Variants in KIF1A observed in about 807,000 individuals in gnomAD.
The protein encoded by KIF1A is kinesin family member 1A.
In KIF1A, 46 loss-of-function variants were observed where a neutral mutation model predicts 227.3. The observed-to-expected ratio is 0.20, with a 90% CI of 0.16 to 0.26. The LOEUF (loss-of-function observed/expected upper bound fraction) is 0.26, where lower values mean the gene tolerates loss of function less well. Among genes scored for constraint, KIF1A ranks in the 10% least tolerant of loss-of-function variants. The pLI is 1.00. For missense variants in KIF1A, 1,683 were observed against 2,485.9 expected (o/e 0.68, Z 6.87); for synonymous variants, 1,022 against 1,012.8 (o/e 1.01, Z -0.17).
intron 1 of KIF1A, among the ~76,000 whole-genome samples, chr2:240,806,140 G>A (rs1466196819): frequency 6.6e-6 from 1 of 152,240 alleles, no homozygotes; most frequent in Non-Finnish European, 1.5e-5. Flanking sequence ...AAATCTGCCT[G>A]GAGGCAGGCA....
At chr2:240,800,719 G>A (rs189432842) in intron 1 of KIF1A, among the ~76,000 whole-genome samples, 3 of 152,166 alleles carry the variant, frequency 2.0e-5, no homozygotes, top group African/African-American at 7.2e-5. Flanking sequence ...TGAGAGGTGA[G>A]ATTTTAAAAA....
upstream of KIF1A, among the ~76,000 whole-genome samples, chr2:240,821,158 T>C (rs1176250148): frequency 2.0e-5 from 3 of 152,182 alleles, no homozygotes; most frequent in Non-Finnish European, 4.4e-5. Context: ...GTGCACGGAT[T>C]TCGGGCCACC....
intron 45 of KIF1A, 175 bp downstream of exon 45, chr2:240,720,739 C>T (rs1024313881): frequency 1.5e-4 from 97 of 660,622 alleles, no homozygotes; most frequent in Middle Eastern, 1.3e-3. Context: ...GCACAGGCAC[C>T]CTCTGAGAGG....
At position 240,745,888 on chromosome 2, in the gene KIF1A, A is replaced by G. The variant is rs1201117567; in HGVS notation, c.3224T>C (p.Leu1075Pro). Reference protein sequence around the residue: ...TCSAVPPEGLLLDSSEKAALD... With the variant: ...TCSAVPPEGLPLDSSEKAALD... ...GGCGGCTTTCTCAGAGCTGTCTAGG[A>G]GGAGGCCTTCTGGGGGCACTGCTGC... The change falls in exon 31 of 49, where the codon CTC becomes CCC. Residue 1075 changes from leucine (L) to proline (P), a missense_variant. Leu to Pro is a moderately conservative substitution (Grantham distance 98). Coordinates refer to ENST00000498729, the MANE Select transcript of KIF1A (RefSeq NM_001244008.2). 6.2e-7 allele frequency: 1 copy of G among 1,607,062 alleles called. No homozygotes were observed. Among genetic ancestry groups the G allele is most frequent in the East Asian group, 2.2e-5 (1 of 44,730 alleles).
Position 240,715,430 on chromosome 2 carries a change from C to G in KIF1A, c.*1934G>C, listed in dbSNP as rs1383847665. 6.6e-6 allele frequency: 1 copy of G among 152,354 alleles called. No homozygotes were observed. Among genetic ancestry groups the G allele is most frequent in the East Asian group, 1.9e-4 (1 of 5,270 alleles). 9.4% of individuals were successfully genotyped at this position (152,354 alleles called of 1,614,324 possible). On this transcript the variant is annotated 3_prime_UTR_variant, in exon 49 of 49. Transcript: ENST00000498729. ...CCCCCATCAGCCCCTGGGAGAGCCT[C>G]CCAGGCAGGGGATGAGGGTGGCGGT...
At chr2:240,800,696 A>G (rs2056891903) in intron 1 of KIF1A, among the ~76,000 whole-genome samples, 1 of 152,226 alleles carries the variant, frequency 6.6e-6, no homozygotes, top group South Asian at 2.1e-4. Context: ...ACATTTGCCA[A>G]ATTCTGAGGA....
At chr2:240,813,967 C>T (rs971983978) in intron 1 of KIF1A, among the ~76,000 whole-genome samples, 19 of 152,070 alleles carry the variant, frequency 1.2e-4, no homozygotes, top group African/African-American at 4.6e-4. Flanking sequence ...TGAGACAGAA[C>T]ATTTAGAAAC....
Position 240,757,226 on chromosome 2 carries a change from G to C in KIF1A, c.2858+93C>G, listed in dbSNP as rs2049953039. ...GCCTCGCCTGCCCTGGGAGGGCCCG[G>C]GCCAGGCCCCAGCGGTTCCTCTGTG... On this transcript the variant is annotated intron_variant, in intron 27 of 48. Transcript: ENST00000498729. This position sits in a 1 kb window ranked among gnomAD's most constrained non-coding sequence, Gnocchi z 6.2. 3 of 1,325,476 alleles carry C rather than the reference G, an allele frequency of 2.3e-6. No homozygotes were observed. Among genetic ancestry groups the C allele is most frequent in the Middle Eastern group, 1.8e-4 (1 of 5,456 alleles). 82.1% of individuals were successfully genotyped at this position (1,325,476 alleles called of 1,614,324 possible).
chr2:240,788,288 C>T lies in KIF1A; in HGVS notation c.184-58G>A, dbSNP rs1183614059. The T allele has an allele frequency of 6.5e-7, 1 of 1,545,268 alleles. No individual in the cohort carries two copies. The highest frequency in any genetic ancestry group is 1.4e-5 in the African/African-American group (1 of 73,388). On this transcript the variant is annotated intron_variant, in intron 3 of 48. Transcript: ENST00000498729. The surrounding 1 kb of genome is among the most constrained non-coding windows in gnomAD (Gnocchi z 6.6). ...GGCTGGGTGCATCCGAGGCTCAGCC[C>T]ATCATGTCTGCGGAGCCAGGGGATG...
chr2:240,723,660 G>A (rs188632591), intron 41 of KIF1A, 102 bp from the exon 42 acceptor site: 3 of 1,327,808 alleles, frequency 2.3e-6, no homozygotes, highest in Non-Finnish European at 3.1e-6. Flanking sequence ...CCCCTCTGGA[G>A]TGGAGATGGG....
intron 1 of KIF1A, among the ~76,000 whole-genome samples, chr2:240,810,141 A>G (rs1164953422): frequency 6.6e-6 from 1 of 152,196 alleles, no homozygotes; most frequent in Admixed American, 6.5e-5. Context: ...CACCGAAAAC[A>G]CCAAAATGAA....
At chr2:240,818,903 C>T (rs2058512934) in intron 1 of KIF1A, 1 of 152,368 alleles carries the variant, frequency 6.6e-6, no homozygotes, top group Non-Finnish European at 1.5e-5. Flanking sequence ...GCAATGCAGG[C>T]ACCCCTTGGA....
At position 240,788,034 on chromosome 2, in the gene KIF1A, C is replaced by CCCCCCCCCCCTGGG; in HGVS notation, c.363+16_363+17insCCCAGGGGGGGGGG. On this transcript the variant is annotated intron_variant, in intron 4 of 48. Transcript: ENST00000498729. This position sits in a 1 kb window ranked among gnomAD's most constrained non-coding sequence, Gnocchi z 6.6. ...CCCATCTGCCAGGGCTGCCCCCGCC[C>CCCCCCCCCCCTGGG]GCCCCCCGCTTCGTGCCTGTGGGAT... 1.4e-6 allele frequency: 2 copies of CCCCCCCCCCCTGGG among 1,449,060 alleles called. No homozygotes were observed. Among genetic ancestry groups the CCCCCCCCCCCTGGG allele is most frequent in the Non-Finnish European group, 1.9e-6 (2 of 1,059,098 alleles). The allele number at this position is 1,449,060 out of a possible 1,614,324, so 89.8% of individuals were successfully genotyped here. A position where few individuals can be genotyped will look rare whatever the true frequency, so the allele number is the denominator to read the frequency against.
rs941966220 is a variant in KIF1A at position 240,789,096 on chromosome 2, G to A, written c.183+140C>T. ...CTGCCTTCGCTGAGGACCGCTCAGGGTGACCTTCCAGGGGAGCAGGGTGGG... is the reference window on the plus strand; with the variant it reads ...CTGCCTTCGCTGAGGACCGCTCAGGATGACCTTCCAGGGGAGCAGGGTGGG... On this transcript the variant is annotated intron_variant, in intron 3 of 48. Coordinates refer to ENST00000498729, the MANE Select transcript of KIF1A (RefSeq NM_001244008.2). This position sits in a 1 kb window ranked among gnomAD's most constrained non-coding sequence, Gnocchi z 4.8. The A allele has an allele frequency of 1.0e-5, 7 of 679,044 alleles. No individual in the cohort carries two copies. In the African/African-American group the frequency reaches 1.2e-4, roughly 12 times the overall value. 42.1% of individuals were successfully genotyped at this position (679,044 alleles called of 1,614,324 possible).
Position 240,725,234 on chromosome 2 carries a change from G to A in KIF1A, c.4256+37C>T. The A allele has an allele frequency of 1.9e-6, 3 of 1,570,596 alleles. No individual in the cohort carries two copies. The highest frequency in any genetic ancestry group is 2.6e-6 in the Non-Finnish European group (3 of 1,158,486). On this transcript the variant is annotated intron_variant, in intron 40 of 48. Transcript: ENST00000498729. This position sits in a 1 kb window ranked among gnomAD's most constrained non-coding sequence, Gnocchi z 5.8. ...CTGCCTGGCCCGCACCGAGACCAGGGTGGGAGTCCATGTGGTCCTCACCCC... is the reference window on the plus strand; with the variant it reads ...CTGCCTGGCCCGCACCGAGACCAGGATGGGAGTCCATGTGGTCCTCACCCC...
rs1451761818 is a variant in KIF1A at position 240,736,664 on chromosome 2, G to T, written c.4007+399C>A. On this transcript the variant is annotated intron_variant, in intron 38 of 48. Coordinates refer to ENST00000498729, the MANE Select transcript of KIF1A (RefSeq NM_001244008.2). This position sits in a 1 kb window ranked among gnomAD's most constrained non-coding sequence, Gnocchi z 4.7. ...GTGCCTATGGGCGCCCACCCCAGCT[G>T]CTCCACCTCTAGCCCCAGGATGCCT... 6.6e-6 allele frequency among the ~76,000 whole-genome samples: 1 copy of T among 152,220 alleles called. No homozygotes were observed. Among genetic ancestry groups the T allele is most frequent in the Non-Finnish European group, 1.5e-5 (1 of 68,038 alleles).
chr2:240,814,279 A>G (rs1462040871), intron 1 of KIF1A, among the ~76,000 whole-genome samples: 2 of 152,136 alleles, frequency 1.3e-5, no homozygotes, highest in Admixed American at 1.3e-4. Context: ...ACAGGATCCT[A>G]AAAGCTTCCA....
rs2055258709 is a variant in KIF1A, at chr2:240,788,725, G to A, written c.184-495C>T. Among the ~76,000 whole-genome samples the A allele has an allele frequency of 6.6e-6, 1 of 152,058 alleles. No individual in the cohort carries two copies. Among genetic ancestry groups the A allele is most frequent in the South Asian group, 2.1e-4 (1 of 4,822 alleles). ...GACTGGATGGGGAAGGCAGAAGCGG[G>A]GAGCCCTGGGGCTGTTATGGGGGGC... On this transcript the variant is annotated intron_variant, in intron 3 of 48. Coordinates refer to ENST00000498729, the MANE Select transcript of KIF1A (RefSeq NM_001244008.2). This position sits in a 1 kb window ranked among gnomAD's most constrained non-coding sequence, Gnocchi z 6.6.
rs763682760 is a variant in KIF1A at position 240,739,337 on chromosome 2, C to A, written c.3901+721G>T. Among the ~76,000 whole-genome samples, 6 of 152,160 alleles carry A rather than the reference C, an allele frequency of 3.9e-5. No homozygotes were observed. The highest frequency in any genetic ancestry group is 7.3e-5 in the Non-Finnish European group (5 of 68,034). On this transcript the variant is annotated intron_variant, in intron 37 of 48. Coordinates refer to ENST00000498729, the MANE Select transcript of KIF1A (RefSeq NM_001244008.2). This position sits in a 1 kb window ranked among gnomAD's most constrained non-coding sequence, Gnocchi z 5.6. The stretch of plus-strand genomic sequence containing the variant: ...CCGCTTTAGCAAAGGAAACATTTGG[C>A]GGACCCGAATTCGAAACATGAGGTC...
Sources: allele counts gnomAD v4.1 joint callset (sites outside exome capture counted in the v4.1 genomes callset), GRCh38; gene constraint gnomAD v4.1.1; non-coding constraint Gnocchi (gnomAD v3.1); transcripts MANE v1.5; gene names NCBI Gene and HGNC (gene_info 2026-07-23, HGNC 2026-07-21).